The following TTN variants were observed in gnomAD, a reference collection of about 807,000 sequenced individuals.
TTN encodes the protein connectin.
Under a neutral mutation model 3,223.0 loss-of-function variants are expected in TTN, and 1,525 were observed. That is an observed-to-expected ratio of 0.47 (90% CI 0.45 to 0.49). TTN has a LOEUF of 0.49. TTN is among the 20% of genes least tolerant of loss of function. The probability of loss-of-function intolerance (pLI) is 0.00; values close to 1 mark genes in which losing one functional copy is unlikely to be tolerated. For synonymous variants in TTN, 14,094 were observed against 15,161.0 expected (o/e 0.93, Z 5.17); for missense variants, 40,786 against 43,424.0 (o/e 0.94, Z 5.40).
chr2:178,585,560 A>G (rs2048748163), intron 308 of TTN, among the ~76,000 whole-genome samples: 1 of 152,042 alleles, frequency 6.6e-6, no homozygotes, highest in South Asian at 2.1e-4. Flanking sequence ...CATCGTCTAC[A>G]TTAGGTATTC....
chr2:178,783,354 T>A (rs1173083213), intron 17 of TTN, among the ~76,000 whole-genome samples: 2 of 152,244 alleles, frequency 1.3e-5, no homozygotes, highest in Non-Finnish European at 2.9e-5. Flanking sequence ...TCTGTTGTGA[T>A]GTTTATCACC....
intron 239 of TTN, among the ~76,000 whole-genome samples, chr2:178,629,658 C>T (rs920709580): frequency 2.0e-5 from 3 of 152,096 alleles, no homozygotes; most frequent in Non-Finnish European, 2.9e-5. Flanking sequence ...TTCGTTCTGA[C>T]GTACAAGGTC....
At chr2:178,651,091 A>G (rs536616356) in intron 208 of TTN, among the ~76,000 whole-genome samples, 152 bp downstream of exon 208, 1 of 152,248 alleles carries the variant, frequency 6.6e-6, no homozygotes, top group Admixed American at 6.5e-5. Flanking sequence ...GTCAATGAAA[A>G]AATTATTAAA....
At chr2:178,644,839 G>T (rs1167184298) in intron 217 of TTN, 1 of 426,356 alleles carries the variant, frequency 2.3e-6, no homozygotes, top group African/African-American at 2.1e-5. Flanking sequence ...AGCAGAAAAA[G>T]AAGACAATTT....
chr2:178,527,369 T>C (rs1485743523), intron 362 of TTN, 62 bp from the exon 363 acceptor site: 20 of 1,563,292 alleles, frequency 1.3e-5, no homozygotes, highest in Non-Finnish European at 1.6e-5. Context: ...AGATTTGCTT[T>C]CTACTGAATT....
rs753676165 is a variant in TTN, at chr2:178,633,459, C to T, written c.42900G>A (p.Val14300=). ...TGGTCTTGTCTGTGCCACAGTCACA[C>T]ACATATTCGCCTTTATCTTTAAGGT... is the stretch of plus-strand genomic sequence containing the variant. ...KADLKDKGEY[V]CDCGTDKTKA... Residue 14300 remains valine (V), a synonymous_variant, in exon 232 of 363, where the codon GTG becomes GTA. Transcript: ENST00000589042. The T allele has an allele frequency of 5.6e-6, 9 of 1,613,248 alleles. 1 individual carries two copies. In the Middle Eastern group the frequency reaches 1.2e-3, roughly 206 times the overall value.
rs1323293372 is a variant in TTN, at chr2:178,669,309, C to A, written c.35545+64G>T. 6.0e-6 allele frequency: 8 copies of A among 1,336,526 alleles called. No individual in the cohort carries two copies. The East Asian group carries it at 1.3e-4, about 21-fold the overall frequency. 82.8% of individuals were successfully genotyped at this position (1,336,526 alleles called of 1,614,324 possible). A position where few individuals can be genotyped will look rare whatever the true frequency, so the allele number is the denominator to read the frequency against. Reference sequence around the variant, plus strand: ...TATTTACTTTTCAAAGCTAAAAAGACAAACATAGTGAATTTAAGGACATAA... The same window carrying A: ...TATTTACTTTTCAAAGCTAAAAAGAAAAACATAGTGAATTTAAGGACATAA... On this transcript the variant is annotated intron_variant, in intron 159 of 362. Transcript: ENST00000589042.
rs1272483888 is a variant in TTN at position 178,574,274 on chromosome 2, C to T, written c.71858G>A (p.Gly23953Asp). ...LKWAKPEYTG[G>D]FKITSYIVEK... is the part of the protein sequence containing the mutation. ...AACGATATAACTGGTAATTTTAAAG[C>T]CCCCAGTATATTCAGGCTTAGCCCA... Residue 23953 changes from glycine (G) to aspartate (D), a missense_variant, in exon 326 of 363, where the codon GGC becomes GAC. Physicochemically the swap from Gly to Asp is moderately conservative, Grantham distance 94. Transcript: ENST00000589042. 4 of 1,612,690 alleles carry T rather than the reference C, an allele frequency of 2.5e-6. No homozygotes were observed. In the East Asian group the frequency reaches 6.7e-5, roughly 27 times the overall value.
Position 178,547,811 on chromosome 2 carries a change from G to A in TTN, c.93815C>T (p.Thr31272Ile), listed in dbSNP as rs758010794. The change falls in exon 339 of 363, where the codon ACA (threonine) becomes ATA (isoleucine). Residue 31272 changes from threonine (T) to isoleucine (I), a missense_variant. By Grantham distance (89) the Thr-to-Ile change is moderately conservative. Transcript: ENST00000589042. ...TCTCATGCTGTCCTTTACAGTCAGT[G>A]TGGTTCTGTCTTTTGTTGTTGTAAT... is the stretch of plus-strand genomic sequence containing the variant. ...VSITTTKDRTTLTVKDSMRGD... is the reference protein window; with the variant it reads ...VSITTTKDRTILTVKDSMRGD... 42 of 1,613,760 alleles carry A rather than the reference G, an allele frequency of 2.6e-5. 1 individual carries two copies. In the East Asian group the frequency reaches 9.1e-4, roughly 35 times the overall value.
intron 47 of TTN, chr2:178,748,895 G>A: frequency 6.2e-7 from 1 of 1,612,378 alleles, no homozygotes; most frequent in Non-Finnish European, 8.5e-7. Flanking sequence ...GCTTGATCTT[G>A]ATTCTCTTTG....
Position 178,547,776 on chromosome 2 carries a change from C to G in TTN, c.93850G>C (p.Gly31284Arg), listed in dbSNP as rs1553527764. Reference sequence around the variant, plus strand: ...TTTTCCAGGGTCAAGAAGTATCTTCCAGAGTCACCTCTCATGCTGTCCTTT... The same window carrying G: ...TTTTCCAGGGTCAAGAAGTATCTTCGAGAGTCACCTCTCATGCTGTCCTTT... Reference protein sequence around the residue: ...TVKDSMRGDSGRYFLTLENTA... With the variant: ...TVKDSMRGDSRRYFLTLENTA... The change falls in exon 339 of 363, where the codon GGA (glycine) becomes CGA (arginine). Residue 31284 changes from glycine to arginine, a missense_variant. Physicochemically the swap from Gly to Arg is moderately radical, Grantham distance 125. Transcript: ENST00000589042. 1 of 1,613,912 alleles carries G rather than the reference C, an allele frequency of 6.2e-7. No individual in the cohort carries two copies. The highest frequency in any genetic ancestry group is 8.5e-7 in the Non-Finnish European group (1 of 1,179,850).
chr2:178,763,980 T>C (rs1175711365), intron 43 of TTN, among the ~76,000 whole-genome samples, 197 bp downstream of exon 43: 2 of 152,110 alleles, frequency 1.3e-5, no homozygotes, highest in Admixed American at 6.6e-5. Flanking sequence ...TAAACAACCA[T>C]TATTAAGGGC....
chr2:178,614,848 T>C lies in TTN; in HGVS notation c.48759A>G (p.Gln16253=). The change falls in exon 260 of 363, where the codon CAA becomes CAG. Residue 16253 remains glutamine (Q), a splice_region_variant and synonymous_variant. Transcript: ENST00000589042. Reference sequence around the variant, plus strand: ...AAGACAAAAATCAAAAATAGATACCTTGTGTGTCCACAGCCTGGATTTCCT... The same window carrying C: ...AAGACAAAAATCAAAAATAGATACCCTGTGTGTCCACAGCCTGGATTTCCT... ...PTEEIQAVDT[Q]EAPEIFLDVK... is the part of the protein sequence containing the mutation. The C allele has an allele frequency of 4.5e-6, 7 of 1,571,910 alleles. No homozygotes were observed. The highest frequency in any genetic ancestry group is 6.0e-6 in the Non-Finnish European group (7 of 1,157,258).
In TTN at chr2:178,565,432, T is replaced by G. The variant is rs751557221; in HGVS notation, c.80700A>C (p.Glu26900Asp). Residue 26900 changes from glutamate (E) to aspartate (D), a missense_variant, in exon 326 of 363, where the codon GAA (glutamate) becomes GAC (aspartate). Transcript: ENST00000589042. ...SIQAGEDLKI[E>D]IPVIGRPRPN... ...GTCTTGGTCGGCCTATAACTGGAAT[T>G]TCTATTTTAAGATCTTCTCCAGCTT... 1.2e-6 allele frequency: 2 copies of G among 1,613,308 alleles called. No homozygotes were observed. Among genetic ancestry groups the G allele is most frequent in the East Asian group, 2.2e-5 (1 of 44,818 alleles).
At chr2:178,651,993 T>C (rs1455400628) in intron 204 of TTN, 26 bp from the exon 205 acceptor site, 1 of 1,611,116 alleles carries the variant, frequency 6.2e-7, no homozygotes, top group Non-Finnish European at 8.5e-7. Flanking sequence ...CTCATTTTAA[T>C]GCCAGAATTG....
chr2:178,645,607 C>G (rs948350574), intron 217 of TTN: 2 of 195,738 alleles, frequency 1.0e-5, no homozygotes, highest in Non-Finnish European at 1.0e-5. Context: ...ATATGTATAG[C>G]AATCAGGCTT....
intron 12 of TTN, 61 bp from the exon 13 acceptor site, chr2:178,789,558 ACCCTTCC>A: frequency 6.2e-7 from 1 of 1,604,650 alleles, no homozygotes; most frequent in Non-Finnish European, 8.5e-7. Flanking sequence ...ACATAGTATG[ACCCTTCC>A]CCCTTCCTCA....
chr2:178,720,972 C>A lies in TTN; in HGVS notation c.23047G>T (p.Ala7683Ser). The change falls in exon 79 of 363, where the codon GCT becomes TCT. Residue 7683 changes from alanine (A) to serine (S), a missense_variant. Transcript: ENST00000589042. Reference sequence around the variant, plus strand: ...CTGGCGTCACCAACACCATTATGAGCCTCACAAATGTAGTCCCCGCTGTCT... The same window carrying A: ...CTGGCGTCACCAACACCATTATGAGACTCACAAATGTAGTCCCCGCTGTCT... ...AEDSGDYICE[A>S]HNGVGDASCS... The A allele has an allele frequency of 6.2e-7, 1 of 1,606,794 alleles. No individual in the cohort carries two copies. Among genetic ancestry groups the A allele is most frequent in the East Asian group, 2.2e-5 (1 of 44,684 alleles).
intron 40 of TTN, among the ~76,000 whole-genome samples, chr2:178,767,120 T>C (rs572056900): frequency 6.6e-6 from 1 of 152,338 alleles, no homozygotes; most frequent in African/African-American, 2.4e-5. Context: ...TTTTTCATTA[T>C]AGTCCACAGT....
Sources: gnomAD v4.1 joint callset for allele counts (sites outside exome capture counted in the v4.1 genomes callset) on GRCh38, gnomAD v4.1.1 for gene constraint, MANE v1.5 for transcripts, NCBI Gene and HGNC (gene_info 2026-07-23, HGNC 2026-07-21) for gene names.